QRICH1: variants seen among roughly 807,000 people sequenced by gnomAD.
QRICH1 encodes the protein transcriptional regulator QRICH1.
Under a neutral mutation model 87.1 loss-of-function variants are expected in QRICH1, and 16 were observed. The ratio of observed to expected loss-of-function variants is 0.18; its 90% confidence interval spans 0.12 to 0.28. QRICH1 has a LOEUF of 0.28. Among genes scored for constraint, QRICH1 ranks in the 10% least tolerant of loss-of-function variants. The pLI is 1.00. For synonymous variants in QRICH1, 367 were observed against 368.4 expected (o/e 1.00, Z 0.05); for missense variants, 647 against 951.7 (o/e 0.68, Z 4.21).
chr3:49,066,166 T>C (rs982226847), intron 2 of QRICH1, among the ~76,000 whole-genome samples: 2 of 152,038 alleles, frequency 1.3e-5, no homozygotes, highest in African/African-American at 2.4e-5. Flanking sequence ...GAGCCAACTG[T>C]GGTCCCAGCG....
intron 3 of QRICH1, among the ~76,000 whole-genome samples, chr3:49,048,331 C>T (rs1575336821): frequency 6.6e-6 from 1 of 151,642 alleles, no homozygotes; most frequent in Admixed American, 6.6e-5. Context: ...GGGGTTTCTC[C>T]ATGTTGGTCA....
At chr3:49,070,511 C>T (rs1241441751) in intron 2 of QRICH1, among the ~76,000 whole-genome samples, 1 of 152,054 alleles carries the variant, frequency 6.6e-6, no homozygotes, top group Non-Finnish European at 1.5e-5. Flanking sequence ...GTGATCACAG[C>T]TCACTGCAAC....
At position 49,064,822 on chromosome 3, in the gene QRICH1, G is replaced by A. The variant is rs538252429; in HGVS notation, c.310-6932C>T. Among the ~76,000 whole-genome samples, 189 of 152,184 alleles carry A rather than the reference G, an allele frequency of 1.2e-3. 5 individuals carry two copies. In the South Asian group the frequency reaches 0.038, roughly 30 times the overall value. ...ACATAAGGTCAGGAGTTCGAGACCC[G>A]CCTGGACAAGATGGTGAAACCCTGT... On this transcript the variant is annotated intron_variant, in intron 2 of 9. Transcript: ENST00000395443.
At chr3:49,034,993 GCTCT>G (rs1469090481) in intron 6 of QRICH1, among the ~76,000 whole-genome samples, 1 of 152,120 alleles carries the variant, frequency 6.6e-6, no homozygotes, top group African/African-American at 2.4e-5. Context: ...AACAAAGCTG[GCTCT>G]CTAATAGTGC....
Position 49,057,625 on chromosome 3 carries a change from T to A in QRICH1, c.575A>T (p.His192Leu), listed in dbSNP as rs771911471. 1.9e-6 allele frequency: 3 copies of A among 1,614,148 alleles called. No individual in the cohort carries two copies. In the South Asian group the frequency reaches 3.3e-5, roughly 18 times the overall value. ...AAEIPEEHIP[H>L]QQIQAQLVAG... ...CACCAGCTGAGCCTGGATTTGCTGA[T>A]GTGGGATGTGCTCCTCCGGGATTTC... Residue 192 changes from histidine (H) to leucine (L), a missense_variant, in exon 3 of 10, where the codon CAT becomes CTT. His to Leu is a moderately conservative substitution (Grantham distance 99). This residue lies in a region of QRICH1 where 156 missense variants were observed against 164.5 expected (regional missense o/e 0.95). Transcript: ENST00000395443. The surrounding 1 kb of genome is among the most constrained non-coding windows in gnomAD (Gnocchi z 5.4).
chr3:49,034,574 G>A (rs1424374192), intron 6 of QRICH1, among the ~76,000 whole-genome samples: 1 of 152,152 alleles, frequency 6.6e-6, no homozygotes, highest in African/African-American at 2.4e-5. Flanking sequence ...AGTTTCCTGA[G>A]CAGTTAGAAA....
intron 2 of QRICH1, among the ~76,000 whole-genome samples, chr3:49,066,277 C>G (rs868100220): frequency 2.6e-5 from 4 of 151,718 alleles, no homozygotes; most frequent in Middle Eastern, 3.4e-3. Context: ...GACAGTGAGA[C>G]CTCCATCTCA....
intron 2 of QRICH1, among the ~76,000 whole-genome samples, chr3:49,062,352 A>C (rs2093440129): frequency 6.7e-6 from 1 of 149,910 alleles, no homozygotes; most frequent in African/African-American, 2.4e-5. Flanking sequence ...AAAAAAAACA[A>C]GAAAAAATTG....
At chr3:49,047,479 GTTT>G (rs397724825) in intron 3 of QRICH1, among the ~76,000 whole-genome samples, 5 of 109,074 alleles carry the variant, frequency 4.6e-5, no homozygotes, top group African/African-American at 3.5e-5. Context: ...ACTTTTAAAT[GTTT>G]TTTTTTTTTT....
intron 1 of QRICH1, chr3:49,083,404 C>T (rs1399537853): frequency 6.6e-6 from 1 of 151,800 alleles, no homozygotes; most frequent in South Asian, 2.1e-4. Context: ...CACCAGGTTG[C>T]CTAAAGAGGG....
intron 1 of QRICH1, among the ~76,000 whole-genome samples, chr3:49,085,150 A>G (rs2042144718): frequency 6.6e-6 from 1 of 152,196 alleles, no homozygotes; most frequent in African/African-American, 2.4e-5. Flanking sequence ...CTCAAAAAAA[A>G]AAAAATCATC....
intron 2 of QRICH1, among the ~76,000 whole-genome samples, chr3:49,059,189 TCTC>T (rs1293446332): frequency 6.6e-6 from 1 of 151,356 alleles, no homozygotes; most frequent in Non-Finnish European, 1.5e-5. Context: ...ATGGTCTCCA[TCTC>T]CTGACCTCGT....
chr3:49,065,544 A>G (rs1245471337), intron 2 of QRICH1, among the ~76,000 whole-genome samples: 1 of 152,228 alleles, frequency 6.6e-6, no homozygotes, highest in Non-Finnish European at 1.5e-5. Flanking sequence ...TACATCACAC[A>G]TGGCCTCTGC....
At chr3:49,085,376 A>G (rs2042149368) in intron 1 of QRICH1, among the ~76,000 whole-genome samples, 1 of 151,518 alleles carries the variant, frequency 6.6e-6, no homozygotes, top group African/African-American at 2.4e-5. Flanking sequence ...CATCTCTACT[A>G]AAAATACAAG....
intron 6 of QRICH1, among the ~76,000 whole-genome samples, chr3:49,039,778 G>A (rs1355747355): frequency 6.6e-6 from 1 of 151,862 alleles, no homozygotes; most frequent in Non-Finnish European, 1.5e-5. Flanking sequence ...AACAGCAACA[G>A]GCCAGGCTCG....
At chr3:49,056,120 T>C (rs968071631) in intron 3 of QRICH1, among the ~76,000 whole-genome samples, 1 of 152,048 alleles carries the variant, frequency 6.6e-6, no homozygotes, top group East Asian at 1.9e-4. Context: ...GGATTACAGG[T>C]ACCTGCCACC....
intron 3 of QRICH1, among the ~76,000 whole-genome samples, chr3:49,050,252 A>T (rs1221954554): frequency 2.6e-5 from 1 of 38,130 alleles, no homozygotes; most frequent in South Asian, 2.9e-3. Flanking sequence ...CCGTCTCAAA[A>T]AAAAAAAAAA....
Position 49,075,139 on chromosome 3 carries a change from T to C in QRICH1, c.309+1570A>G, listed in dbSNP as rs555372617. 1.7e-4 allele frequency among the ~76,000 whole-genome samples: 25 copies of C among 146,114 alleles called. No homozygotes were observed. The South Asian group carries it at 2.4e-3, about 14-fold the overall frequency. On this transcript the variant is annotated intron_variant, in intron 2 of 9. Transcript: ENST00000395443. The stretch of plus-strand genomic sequence containing the variant: ...GAGTTCAAGACCAGCCTGGGCAACA[T>C]AGGGAGACTATATCTCTACAAAAAA...
At chr3:49,042,634 G>A (rs529551317) in intron 6 of QRICH1, among the ~76,000 whole-genome samples, 86 of 151,672 alleles carry the variant, frequency 5.7e-4, no homozygotes, top group Non-Finnish European at 1.1e-3. Context: ...ATGCAGTGGC[G>A]CAATCTTGGC....
Sources: allele counts gnomAD v4.1 joint callset (sites outside exome capture counted in the v4.1 genomes callset), GRCh38; gene constraint gnomAD v4.1.1; regional missense constraint gnomAD v4.1.1; non-coding constraint Gnocchi (gnomAD v3.1); transcripts MANE v1.5; gene names NCBI Gene and HGNC (gene_info 2026-07-23, HGNC 2026-07-21).